Variants in SLC27A4 observed in about 807,000 individuals in gnomAD.
SLC27A4 encodes solute carrier family 27 member 4.
SLC27A4 carries 33 observed loss-of-function variants against 64.4 expected under a neutral mutation model. The ratio of observed to expected loss-of-function variants is 0.51; its 90% CI spans 0.39 to 0.68. The LOEUF is 0.68. SLC27A4 is among the 30% of genes least tolerant of loss of function. The pLI is 0.00. For synonymous variants in SLC27A4, 377 were observed against 370.0 expected, an observed-to-expected ratio of 1.02 and a Z score of -0.22; for missense variants, 824 against 883.5, an observed-to-expected ratio of 0.93 and a Z score of 0.85.
Position 128,345,122 on chromosome 9 carries a change from G to A in SLC27A4, c.162-33G>A. Reference sequence around the variant, plus strand: ...TCAGGACCCCTCCCTCCCAACCATGGCAGACACAGCGCCCTCTCTTGTTCA... The same window carrying A: ...TCAGGACCCCTCCCTCCCAACCATGACAGACACAGCGCCCTCTCTTGTTCA... On this transcript the variant is annotated intron_variant, in intron 2 of 12. Coordinates refer to ENST00000300456, the MANE Select transcript of SLC27A4 (RefSeq NM_005094.4). The surrounding 1 kb of genome is among the most constrained non-coding windows in gnomAD (Gnocchi z 4.1). The A allele has an allele frequency of 6.2e-7, 1 of 1,612,650 alleles. No individual in the cohort carries two copies. Among genetic ancestry groups the A allele is most frequent in the East Asian group, 2.2e-5 (1 of 44,878 alleles).
At chr9:128,356,917 C>T (rs763484782) in intron 12 of SLC27A4, among the ~76,000 whole-genome samples, 1 of 152,004 alleles carries the variant, frequency 6.6e-6, no homozygotes, top group Non-Finnish European at 1.5e-5. Context: ...CATGATGAAA[C>T]CCCGTCTCTA....
intron 3 of SLC27A4, among the ~76,000 whole-genome samples, chr9:128,347,321 C>T (rs1464534290): frequency 6.6e-6 from 1 of 152,178 alleles, no homozygotes; most frequent in East Asian, 1.9e-4. Flanking sequence ...CCCAAGATCA[C>T]ACAGTTAGTA....
chr9:128,356,554 C>T (rs945146440), intron 12 of SLC27A4, among the ~76,000 whole-genome samples: 34 of 152,224 alleles, frequency 2.2e-4, no homozygotes, highest in African/African-American at 7.7e-4. Context: ...AATCCCGGCA[C>T]TTTGGGTGGG....
Position 128,360,379 on chromosome 9 carries a change from A to G in SLC27A4, c.1820A>G (p.Asp607Gly). The G allele has an allele frequency of 1.2e-6, 2 of 1,612,856 alleles. No homozygotes were observed. The highest frequency in any genetic ancestry group is 1.7e-6 in the Non-Finnish European group (2 of 1,179,792). The change falls in exon 13 of 13, where the codon GAC becomes GGC. Residue 607 changes from aspartate (D) to glycine (G), a missense_variant. Transcript: ENST00000300456. ...ACAGAGCTACGGAAGGAGGGCTTTG[A>G]CCCGGCTATTGTGAAAGACCCGCTG... ...QKTELRKEGF[D>G]PAIVKDPLFY...
In SLC27A4 at chr9:128,340,855, C is replaced by T; in HGVS notation, c.-7+17C>T. ...CGACGCCGGGTGAGCATAGACCGGGCTGGTGGGTTCCCGGGTGGGGACATG... is the reference window on the plus strand; with the variant it reads ...CGACGCCGGGTGAGCATAGACCGGGTTGGTGGGTTCCCGGGTGGGGACATG... On this transcript the variant is annotated intron_variant, in intron 1 of 12. Transcript: ENST00000300456. 1.5e-6 allele frequency: 1 copy of T among 658,948 alleles called. No individual in the cohort carries two copies. The highest frequency in any genetic ancestry group is 2.8e-6 in the Non-Finnish European group (1 of 356,904). 40.8% of individuals were successfully genotyped at this position (658,948 alleles called of 1,614,324 possible).
Position 128,355,758 on chromosome 9 carries a change from C to T in SLC27A4, c.1736C>T (p.Pro579Leu). 1 of 1,613,806 alleles carries T rather than the reference C, an allele frequency of 6.2e-7. No homozygotes were observed. Among genetic ancestry groups the T allele is most frequent in the Non-Finnish European group, 8.5e-7 (1 of 1,180,030 alleles). ...AAGGAACTGCCCCTGTATGCGCGCCCCATCTTCCTGCGCCTCCTGCCTGAG... is the reference window on the plus strand; with the variant it reads ...AAGGAACTGCCCCTGTATGCGCGCCTCATCTTCCTGCGCCTCCTGCCTGAG... ...LEKELPLYAR[P>L]IFLRLLPELH... The change falls in exon 12 of 13, where the codon CCC (proline) becomes CTC (leucine). Residue 579 changes from proline to leucine, a missense_variant. By Grantham distance (98) the Pro-to-Leu change is moderately conservative. Transcript: ENST00000300456.
intron 6 of SLC27A4, among the ~76,000 whole-genome samples, chr9:128,350,996 G>A (rs1439859664): frequency 2.0e-5 from 3 of 152,194 alleles, no homozygotes; most frequent in African/African-American, 4.8e-5. Flanking sequence ...GGGAGGGTGA[G>A]GCAGGAGAAT....
chr9:128,347,619 C>G (rs1352802927), intron 3 of SLC27A4, among the ~76,000 whole-genome samples: 1 of 151,012 alleles, frequency 6.6e-6, no homozygotes, highest in African/African-American at 2.4e-5. Context: ...CTTGGCTACT[C>G]AGGAGGCTGA....
In SLC27A4 at chr9:128,355,104, G is replaced by A. The variant is rs368919168; in HGVS notation, c.1376G>A (p.Arg459His). 1.6e-5 allele frequency: 26 copies of A among 1,613,348 alleles called. No homozygotes were observed. The East Asian group carries it at 3.3e-4, about 21-fold the overall frequency. The change falls in exon 10 of 13, where the codon CGC (arginine) becomes CAC (histidine). Residue 459 changes from arginine to histidine, a missense_variant. Arg to His is a conservative substitution (Grantham distance 29). Transcript: ENST00000300456. ...GRIIQKDPLR[R>H]FDGYLNQGAN... ...ATCATCCAGAAAGACCCCCTGCGCC[G>A]CTTCGATGGCTACCTCAACCAGGGC...
intron 12 of SLC27A4, among the ~76,000 whole-genome samples, chr9:128,358,101 A>T (rs1216794662): frequency 6.6e-6 from 1 of 152,218 alleles, no homozygotes. Flanking sequence ...CGAAACAACC[A>T]GTTTATTGAT....
chr9:128,345,210 C>G lies in SLC27A4; in HGVS notation c.217C>G (p.Arg73Gly). The change falls in exon 3 of 13, where the codon CGG (arginine) becomes GGG (glycine). Residue 73 changes from arginine (R) to glycine (G), a missense_variant. Coordinates refer to ENST00000300456, the MANE Select transcript of SLC27A4 (RefSeq NM_005094.4). The surrounding 1 kb of genome is among the most constrained non-coding windows in gnomAD (Gnocchi z 4.1). ...KAKVRQCLQE[R>G]RTVPILFAST... ...AAAGGTGCGACAGTGCCTGCAGGAG[C>G]GGCGGACAGTGCCCATTTTGTTTGC... The G allele has an allele frequency of 6.2e-7, 1 of 1,613,664 alleles. No individual in the cohort carries two copies. Among genetic ancestry groups the G allele is most frequent in the Non-Finnish European group, 8.5e-7 (1 of 1,180,002 alleles).
Position 128,348,690 on chromosome 9 carries a change from C to T in SLC27A4, c.702C>T (p.Asp234=), listed in dbSNP as rs773093434. 4.3e-6 allele frequency: 7 copies of T among 1,613,998 alleles called. No individual in the cohort carries two copies. The highest frequency in any genetic ancestry group is 2.2e-5 in the East Asian group (1 of 44,886). The change falls in exon 4 of 13, where the codon GAC becomes GAT. Residue 234 remains aspartate, a synonymous_variant. Transcript: ENST00000300456. The stretch of plus-strand genomic sequence containing the variant: ...CCAAGCACCTTCCCAGTTGCCCTGA[C>T]AAGGGCTTCACAGGTGGGCTCCATC... ...DAPKHLPSCP[D]KGFTDKLFYI...
Position 128,345,343 on chromosome 9 carries a change from T to A in SLC27A4, c.350T>A (p.Phe117Tyr), listed in dbSNP as rs1274089475. 6.2e-7 allele frequency: 1 copy of A among 1,613,730 alleles called. No individual in the cohort carries two copies. The highest frequency in any genetic ancestry group is 1.7e-5 in the Admixed American group (1 of 59,998). Residue 117 changes from phenylalanine to tyrosine, a missense_variant, in exon 3 of 13, where the codon TTC becomes TAC. By Grantham distance (22) the Phe-to-Tyr change is conservative. Coordinates refer to ENST00000300456, the MANE Select transcript of SLC27A4 (RefSeq NM_005094.4). The surrounding 1 kb of genome is among the most constrained non-coding windows in gnomAD (Gnocchi z 4.1). ...GAGTACTCAAGCAGTGTAGCCAACT[T>A]CCTGCAGGCCCGGGGCCTGGCCTCG... ...LDEYSSSVAN[F>Y]LQARGLASGD...
intron 3 of SLC27A4, among the ~76,000 whole-genome samples, chr9:128,346,709 AC>A (rs1158545149): frequency 6.6e-6 from 1 of 151,618 alleles, no homozygotes; most frequent in Non-Finnish European, 1.5e-5. Flanking sequence ...CTCAAAAAAA[AC>A]AAAATAAAAG....
chr9:128,352,813 G>A (rs570387322), intron 7 of SLC27A4, 66 bp downstream of exon 7: 240 of 1,296,094 alleles, frequency 1.9e-4, no homozygotes, highest in Middle Eastern at 5.5e-4. Flanking sequence ...ACTACACTCC[G>A]GGGCATCTGT....
At chr9:128,357,612 G>A (rs192649459) in intron 12 of SLC27A4, among the ~76,000 whole-genome samples, 42 of 152,284 alleles carry the variant, frequency 2.8e-4, no homozygotes, top group Non-Finnish European at 4.1e-4. Flanking sequence ...GCCCGCAGTC[G>A]CCCACAAGGC....
intron 1 of SLC27A4, among the ~76,000 whole-genome samples, chr9:128,341,601 G>C (rs546911726): frequency 2.6e-5 from 4 of 152,224 alleles, no homozygotes; most frequent in African/African-American, 9.6e-5. Context: ...GCCCTCTATA[G>C]ACCAACAGAC....
At chr9:128,346,936 CAG>C (rs766748439) in intron 3 of SLC27A4, among the ~76,000 whole-genome samples, 1 of 151,856 alleles carries the variant, frequency 6.6e-6, no homozygotes, top group African/African-American at 2.4e-5. Context: ...ACCCAGGAGA[CAG>C]AGGTTGCAGT....
At position 128,360,700 on chromosome 9, in the gene SLC27A4, G is replaced by C; in HGVS notation, c.*209G>C. 1.7e-6 allele frequency: 1 copy of C among 590,120 alleles called. No individual in the cohort carries two copies. The highest frequency in any genetic ancestry group is 2.9e-5 in the East Asian group (1 of 34,180). 36.6% of individuals were successfully genotyped at this position (590,120 alleles called of 1,614,324 possible). A position where few individuals can be genotyped will look rare whatever the true frequency, so the allele number is the denominator to read the frequency against. ...TGTGAAAGTCTCATGTCCAAGTTCC[G>C]TCTTCTGGGCTGGGCAGGCCCTCTG... On this transcript the variant is annotated 3_prime_UTR_variant, in exon 13 of 13. Transcript: ENST00000300456.
Sources: allele counts gnomAD v4.1 joint callset (sites outside exome capture counted in the v4.1 genomes callset), GRCh38; gene constraint gnomAD v4.1.1; non-coding constraint Gnocchi (gnomAD v3.1); transcripts MANE v1.5; gene names NCBI Gene and HGNC (gene_info 2026-07-23, HGNC 2026-07-21).